The following DNM3 variants were observed in gnomAD, a reference collection of about 807,000 sequenced individuals.
DNM3 encodes the protein dynamin 3, also known as dynamin-3.
In DNM3, 47 loss-of-function variants were observed where a neutral mutation model predicts 101.6. The ratio of observed to expected loss-of-function variants is 0.46; its 90% CI spans 0.37 to 0.59. The LOEUF (loss-of-function observed/expected upper bound fraction) is 0.59. DNM3 is among the 20% of genes least tolerant of loss of function. DNM3 has a pLI of 0.00. For synonymous variants in DNM3, 385 were observed against 387.9 expected (o/e 0.99, Z 0.09); for missense variants, 849 against 1,085.7 (o/e 0.78, Z 3.06).
chr1:171,913,998 C>T lies in DNM3; in HGVS notation c.162-7750C>T, dbSNP rs142694142. 6.2e-3 allele frequency among the ~76,000 whole-genome samples: 939 copies of T among 152,092 alleles called. 6 individuals are homozygous for T. Among genetic ancestry groups the T allele is most frequent in the African/African-American group, 0.022 (895 of 41,512 alleles). The stretch of plus-strand genomic sequence containing the variant: ...GAGAAGGGAGTCTTGTCATGTTGCT[C>T]AGGCTGGTCTGGAACTCCTAGGCTC... On this transcript the variant is annotated intron_variant, in intron 1 of 20. Transcript: ENST00000627582.
chr1:172,378,994 A>G, intron 17 of DNM3, 24 bp from the exon 18 acceptor site: 4 of 1,602,342 alleles, frequency 2.5e-6, no homozygotes, highest in Non-Finnish European at 3.4e-6. Flanking sequence ...GAGATAATCC[A>G]TGGTTTGTTT....
intron 17 of DNM3, among the ~76,000 whole-genome samples, chr1:172,335,816 G>A (rs1337447375): frequency 6.6e-6 from 1 of 152,100 alleles, no homozygotes; most frequent in South Asian, 2.1e-4. Flanking sequence ...AGGGGACGTG[G>A]ACTGAAAAAT....
intron 15 of DNM3, among the ~76,000 whole-genome samples, chr1:172,283,716 T>C (rs950107007): frequency 7.5e-6 from 1 of 132,870 alleles, no homozygotes; most frequent in East Asian, 2.2e-4. Context: ...GCTGAGATCA[T>C]GCCACTGCAC....
At position 172,411,377 on chromosome 1, in the gene DNM3, A is replaced by G; in HGVS notation, c.*3536A>G. The G allele has an allele frequency of 2.0e-6, 2 of 985,194 alleles. No individual in the cohort carries two copies. Among genetic ancestry groups the G allele is most frequent in the Non-Finnish European group, 2.4e-6 (2 of 829,736 alleles). The allele number at this position is 985,194 out of a possible 1,614,324, so 61.0% of individuals were successfully genotyped here. ...GAATCCACAAGAAGATCTGAATCTA[A>G]GAAGGAATTACCTTTGACAATATTT... On this transcript the variant is annotated 3_prime_UTR_variant, in exon 21 of 21. Coordinates refer to ENST00000627582, the MANE Select transcript of DNM3 (RefSeq NM_015569.5).
intron 17 of DNM3, among the ~76,000 whole-genome samples, chr1:172,343,986 C>T (rs1335288534): frequency 6.6e-6 from 1 of 152,234 alleles, no homozygotes; most frequent in East Asian, 1.9e-4. Context: ...TTTCCTTCAG[C>T]TGGTCAATTT....
chr1:172,334,310 G>C (rs1244890870), intron 17 of DNM3, among the ~76,000 whole-genome samples: 5 of 152,064 alleles, frequency 3.3e-5, no homozygotes, highest in Non-Finnish European at 4.4e-5. Context: ...TCTCAACCAG[G>C]GGTGATTTTT....
At position 172,359,125 on chromosome 1, in the gene DNM3, AACAC is replaced by A. The variant is rs10683483; in HGVS notation, c.1894-19859_1894-19856del. 6.6e-3 allele frequency among the ~76,000 whole-genome samples: 964 copies of A among 145,798 alleles called. 9 individuals are homozygous for A. Among genetic ancestry groups the A allele is most frequent in the South Asian group, 8.0e-3 (35 of 4,380 alleles). On this transcript the variant is annotated intron_variant, in intron 17 of 20. Coordinates refer to ENST00000627582, the MANE Select transcript of DNM3 (RefSeq NM_015569.5). ...ATGGGCATCTGAACAACTCCCACAA[AACAC>A]ACACACACACACACACACACACACA...
rs142889640 is a variant in DNM3, at chr1:172,177,257, T to TAGAG, written c.1659+45985_1659+45988dup. On this transcript the variant is annotated intron_variant, in intron 14 of 20. Transcript: ENST00000627582. Reference sequence around the variant, plus strand: ...AAAATAGGTGAGTGTTGTACAAGAATAGAGAGAGAGAGAGAGAGACACCAC... The same window carrying TAGAG: ...AAAATAGGTGAGTGTTGTACAAGAATAGAGAGAGAGAGAGAGAGAGAGACACCAC... 3.3e-5 allele frequency among the ~76,000 whole-genome samples: 5 copies of TAGAG among 149,504 alleles called. No homozygotes were observed. The East Asian group carries it at 9.8e-4, about 29-fold the overall frequency.
chr1:172,378,172 A>C (rs1052644159), intron 17 of DNM3: 2 of 152,084 alleles, frequency 1.3e-5, no homozygotes, highest in African/African-American at 4.8e-5. Context: ...AGCTGACTTG[A>C]AATGGAGACC....
At chr1:171,969,168 T>G (rs1312897891) in intron 2 of DNM3, among the ~76,000 whole-genome samples, 4 of 151,924 alleles carry the variant, frequency 2.6e-5, no homozygotes, top group Non-Finnish European at 5.9e-5. Context: ...TGGCTGACAC[T>G]CCTATAAAAA....
intron 14 of DNM3, among the ~76,000 whole-genome samples, chr1:172,190,177 G>A (rs1391662570): frequency 3.3e-5 from 5 of 151,524 alleles, no homozygotes; most frequent in East Asian, 3.9e-4. Context: ...CACCCCCACC[G>A]GCAGGCCCCA....
chr1:172,330,595 C>T (rs2066139904), intron 17 of DNM3, among the ~76,000 whole-genome samples: 2 of 152,056 alleles, frequency 1.3e-5, no homozygotes, highest in Admixed American at 1.3e-4. Context: ...AAAATTTTAA[C>T]AGCATGAGCA....
chr1:171,926,876 A>T (rs980379946), intron 2 of DNM3, among the ~76,000 whole-genome samples: 1 of 152,196 alleles, frequency 6.6e-6, no homozygotes, highest in Non-Finnish European at 1.5e-5. Context: ...ACTCTTAGTA[A>T]ATAAAGGGGA....
chr1:172,250,776 C>T (rs984068226), intron 14 of DNM3, among the ~76,000 whole-genome samples: 4 of 151,964 alleles, frequency 2.6e-5, no homozygotes, highest in African/African-American at 9.7e-5. Flanking sequence ...ATAGCAGAAA[C>T]AGGGAGGTCA....
chr1:172,225,809 T>A (rs2061096543), intron 14 of DNM3, among the ~76,000 whole-genome samples: 1 of 151,806 alleles, frequency 6.6e-6, no homozygotes, highest in Admixed American at 6.6e-5. Context: ...AAAACCTCTT[T>A]TAAACATCTG....
chr1:172,166,920 T>C (rs532571087), intron 14 of DNM3, among the ~76,000 whole-genome samples: 1 of 150,810 alleles, frequency 6.6e-6, no homozygotes, highest in Admixed American at 6.6e-5. Context: ...AAGCATTGCA[T>C]TCTTTTTTTT....
At chr1:172,013,961 C>T (rs1436834107) in intron 4 of DNM3, among the ~76,000 whole-genome samples, 2 of 152,062 alleles carry the variant, frequency 1.3e-5, no homozygotes, top group Non-Finnish European at 2.9e-5. Context: ...AATTAGGCAG[C>T]AAGTACAGAG....
intron 2 of DNM3, among the ~76,000 whole-genome samples, chr1:171,937,091 C>T (rs1371924369): frequency 6.6e-6 from 1 of 152,192 alleles, no homozygotes; most frequent in African/African-American, 2.4e-5. Flanking sequence ...TGTACAATGT[C>T]AAGGACTTGT....
chr1:172,086,555 G>T (rs1335732376), intron 12 of DNM3, among the ~76,000 whole-genome samples: 1 of 151,836 alleles, frequency 6.6e-6, no homozygotes, highest in African/African-American at 2.4e-5. Flanking sequence ...GTGCAATGAA[G>T]GCAATAAATT....
Sources: allele counts gnomAD v4.1 joint callset (sites outside exome capture counted in the v4.1 genomes callset), GRCh38; gene constraint gnomAD v4.1.1; transcripts MANE v1.5; gene names NCBI Gene and HGNC (gene_info 2026-07-23, HGNC 2026-07-21).